Variants in DAB1 observed in about 807,000 individuals in gnomAD.
The protein encoded by DAB1 is DAB adaptor protein 1.
Under a neutral mutation model 64.6 loss-of-function variants are expected in DAB1, and 15 were observed. That is an observed-to-expected ratio of 0.23 (90% CI 0.16 to 0.36). The LOEUF (loss-of-function observed/expected upper bound fraction) is 0.36. Among genes scored for constraint, DAB1 ranks in the 10% least tolerant of loss-of-function variants. The probability of loss-of-function intolerance (pLI) is 1.00; values close to 1 mark genes in which losing one functional copy is unlikely to be tolerated. For missense variants in DAB1, 596 were observed against 706.7 expected (o/e 0.84, Z 1.78); for synonymous variants, 235 against 251.9 (o/e 0.93, Z 0.64).
In DAB1 at chr1:57,105,464, C is replaced by T. The variant is rs1463242022; in HGVS notation, c.306+31079G>A. 5.9e-5 allele frequency among the ~76,000 whole-genome samples: 9 copies of T among 152,194 alleles called. No individual in the cohort carries two copies. In the South Asian group the frequency reaches 1.9e-3, roughly 32 times the overall value. ...CTCCAAGGAAAGGTGGGAGCAGCCG[C>T]AGTCGCCCTTAGTAGGTGCCTGTCA... On this transcript the variant is annotated intron_variant, in intron 4 of 14. Coordinates refer to ENST00000371236, the MANE Select transcript of DAB1 (RefSeq NM_001365792.1).
chr1:58,102,805 C>G (rs970742629), intron 5 of DAB1, among the ~76,000 whole-genome samples: 2 of 152,284 alleles, frequency 1.3e-5, no homozygotes, highest in Admixed American at 6.5e-5. Flanking sequence ...TTCACATTGT[C>G]TGAAGCTAGC....
At chr1:58,370,572 G>A (rs907192822) in intron 3 of DAB1, among the ~76,000 whole-genome samples, 5 of 152,126 alleles carry the variant, frequency 3.3e-5, no homozygotes, top group African/African-American at 1.2e-4. Flanking sequence ...TATTTTCTAA[G>A]AGAATCTATT....
At chr1:58,108,827 C>G (rs371749968) in intron 5 of DAB1, among the ~76,000 whole-genome samples, 13 of 152,280 alleles carry the variant, frequency 8.5e-5, no homozygotes, top group Admixed American at 7.8e-4. Flanking sequence ...GACAAGTACA[C>G]GTAAAACACT....
chr1:57,298,810 G>A (rs1389448317), intron 1 of DAB1, among the ~76,000 whole-genome samples: 6 of 152,224 alleles, frequency 3.9e-5, no homozygotes, highest in African/African-American at 1.2e-4. Flanking sequence ...TATGGCTGTA[G>A]AAGATAGGCT....
intron 7 of DAB1, among the ~76,000 whole-genome samples, chr1:57,514,617 A>T (rs1363411671): frequency 6.6e-6 from 1 of 152,220 alleles, no homozygotes; most frequent in Non-Finnish European, 1.5e-5. Context: ...TTCAACATCC[A>T]AATATTTTGG....
downstream of DAB1, among the ~76,000 whole-genome samples, chr1:57,825,401 G>A (rs79495396): frequency 6.6e-6 from 1 of 152,188 alleles, no homozygotes; most frequent in Non-Finnish European, 1.5e-5. Context: ...ATTAGAGGAG[G>A]CAGGACTGTA....
intron 6 of DAB1, among the ~76,000 whole-genome samples, chr1:57,665,712 AGT>A (rs1646438162): frequency 1.3e-5 from 2 of 152,254 alleles, no homozygotes; most frequent in African/African-American, 4.8e-5. Flanking sequence ...TGGTATTTTA[AGT>A]GAAAAAGCAT....
chr1:58,224,994 C>T (rs1570507773), intron 4 of DAB1, among the ~76,000 whole-genome samples: 1 of 152,116 alleles, frequency 6.6e-6, no homozygotes, highest in Admixed American at 6.5e-5. Flanking sequence ...TTCTGCACAG[C>T]AAAAGAAACT....
At chr1:57,899,479 G>T (rs1442050147) in intron 5 of DAB1, among the ~76,000 whole-genome samples, 1 of 152,044 alleles carries the variant, frequency 6.6e-6, no homozygotes, top group Non-Finnish European at 1.5e-5. Flanking sequence ...TAAATAATTA[G>T]GGCACACAGA....
chr1:58,499,382 G>A (rs1032302315), intron 3 of DAB1, among the ~76,000 whole-genome samples: 3 of 151,022 alleles, frequency 2.0e-5, no homozygotes, highest in East Asian at 1.9e-4. Flanking sequence ...CTACTCTGGA[G>A]GCTGAAGTGG....
intron 5 of DAB1, among the ~76,000 whole-genome samples, chr1:57,979,024 A>C (rs1387704949): frequency 6.6e-5 from 10 of 152,184 alleles, no homozygotes; most frequent in Non-Finnish European, 1.2e-4. Flanking sequence ...AAGGATCTAG[A>C]ACTAGAAATA....
chr1:57,837,160 C>T (rs1248147566), intron 1 of DAB1, among the ~76,000 whole-genome samples: 1 of 152,210 alleles, frequency 6.6e-6, no homozygotes, highest in Admixed American at 6.5e-5. Context: ...GATTTTCTAT[C>T]CCTCTCCCAA....
chr1:57,198,292 A>G (rs1323328811), intron 2 of DAB1, among the ~76,000 whole-genome samples: 1 of 152,098 alleles, frequency 6.6e-6, no homozygotes, highest in Non-Finnish European at 1.5e-5. Flanking sequence ...TGCAGGCTTA[A>G]AGGAATGGTG....
At chr1:58,275,239 CAT>C (rs1215649783) in intron 4 of DAB1, among the ~76,000 whole-genome samples, 2 of 152,012 alleles carry the variant, frequency 1.3e-5, no homozygotes, top group African/African-American at 4.8e-5. Context: ...CAAAAGAAAA[CAT>C]AGGAGAAGAG....
chr1:58,085,700 A>T (rs543926420), intron 5 of DAB1, among the ~76,000 whole-genome samples: 66 of 146,940 alleles, frequency 4.5e-4, no homozygotes, highest in Middle Eastern at 6.9e-3. Flanking sequence ...AGTCTCTTTT[A>T]AAAAAAAAAG....
chr1:57,399,293 C>T (rs912293027), intron 1 of DAB1, among the ~76,000 whole-genome samples: 1 of 152,134 alleles, frequency 6.6e-6, no homozygotes, highest in African/African-American at 2.4e-5. Context: ...CTGTGCACAG[C>T]ACCAAGCATA....
At chr1:58,250,677 A>G (rs1056220978) in intron 4 of DAB1, among the ~76,000 whole-genome samples, 2 of 152,126 alleles carry the variant, frequency 1.3e-5, no homozygotes, top group African/African-American at 4.8e-5. Context: ...GGACCTCAGC[A>G]CCCACTCGCA....
intron 4 of DAB1, among the ~76,000 whole-genome samples, chr1:58,215,235 A>G (rs1658781964): frequency 6.6e-6 from 1 of 151,982 alleles, no homozygotes; most frequent in Non-Finnish European, 1.5e-5. Context: ...TGTCTTTGCC[A>G]TTCCATTTAC....
intron 4 of DAB1, among the ~76,000 whole-genome samples, chr1:58,280,295 T>C (rs1028023843): frequency 9.9e-5 from 15 of 152,194 alleles, no homozygotes; most frequent in African/African-American, 3.4e-4. Flanking sequence ...TGTCTCTTTC[T>C]GGGCATTTAG....
Sources: allele counts gnomAD v4.1 joint callset (sites outside exome capture counted in the v4.1 genomes callset), GRCh38; gene constraint gnomAD v4.1.1; transcripts MANE v1.5; gene names NCBI Gene and HGNC (gene_info 2026-07-23, HGNC 2026-07-21).